SPMIP2: variants seen among roughly 807,000 people sequenced by gnomAD.
The protein encoded by SPMIP2 is sperm microtubule inner protein 2, also known as protein SPMIP2.
At chr4:158,917,659 T>G in the SPMIP2 span, among the ~76,000 whole-genome samples, 1 of 151,704 alleles carries the variant, frequency 6.6e-6, no homozygotes, top group Non-Finnish European at 1.5e-5. Context: ...CATCACCTTT[T>G]CCCTGAAGAC....
the SPMIP2 span, among the ~76,000 whole-genome samples, chr4:158,987,968 G>T: frequency 3.0e-4 from 46 of 151,812 alleles, no homozygotes; most frequent in Admixed American, 7.9e-4. Context: ...CTGGTTTTTT[G>T]AAAAGATCAA....
the SPMIP2 span, among the ~76,000 whole-genome samples, chr4:158,912,276 A>G: frequency 6.6e-6 from 1 of 152,256 alleles, no homozygotes; most frequent in Non-Finnish European, 1.5e-5. Flanking sequence ...GTTAAATCTC[A>G]TAAATTGTAC....
At chr4:158,995,431 G>A in the SPMIP2 span, among the ~76,000 whole-genome samples, 6 of 152,138 alleles carry the variant, frequency 3.9e-5, no homozygotes, top group Non-Finnish European at 8.8e-5. Flanking sequence ...CAGCTTAACT[G>A]ATGGCTTAAA....
At chr4:158,940,022 AGTTT>A in the SPMIP2 span, among the ~76,000 whole-genome samples, 76 of 152,302 alleles carry the variant, frequency 5.0e-4, no homozygotes, top group African/African-American at 1.8e-3. Context: ...CTACTGTATT[AGTTT>A]GTTAGGGCTG....
At chr4:159,082,332 CAAATAAATAAAT>C in the SPMIP2 span, among the ~76,000 whole-genome samples, 42,715 of 150,748 alleles carry the variant, frequency 0.28, 6,399 homozygotes, top group Non-Finnish European at 0.33. Context: ...GATTCCATCT[CAAATAAATAAAT>C]AAATAAATAA....
chr4:159,024,078 A>T, the SPMIP2 span, among the ~76,000 whole-genome samples: 1 of 152,200 alleles, frequency 6.6e-6, no homozygotes, highest in Non-Finnish European at 1.5e-5. Flanking sequence ...GGGGCAATCC[A>T]TCTGTGTTCA....
At chr4:158,893,978 A>G in the SPMIP2 span, among the ~76,000 whole-genome samples, 1 of 152,192 alleles carries the variant, frequency 6.6e-6, no homozygotes, top group Admixed American at 6.5e-5. Context: ...CTCCTTAAAA[A>G]AAATCACTTG....
chr4:158,952,464 T>C, the SPMIP2 span, among the ~76,000 whole-genome samples: 1 of 152,300 alleles, frequency 6.6e-6, no homozygotes, highest in Admixed American at 6.5e-5. Context: ...TAAGGAGACT[T>C]CCCCAGCCAT....
chr4:159,056,093 TC>T, the SPMIP2 span, among the ~76,000 whole-genome samples: 2 of 152,108 alleles, frequency 1.3e-5, no homozygotes, highest in Admixed American at 1.3e-4. Flanking sequence ...CCTTTTTCAC[TC>T]CCAAAGGTAT....
the SPMIP2 span, among the ~76,000 whole-genome samples, chr4:159,049,488 T>G: frequency 6.6e-6 from 1 of 152,218 alleles, no homozygotes; most frequent in Admixed American, 6.5e-5. Context: ...TATATATTTT[T>G]GGGGTGCTTC....
the SPMIP2 span, chr4:158,907,325 C>T: frequency 1.3e-5 from 2 of 152,102 alleles, no homozygotes; most frequent in Admixed American, 1.3e-4. Context: ...TCGAAGTGTG[C>T]TGTTTTTTAA....
the SPMIP2 span, among the ~76,000 whole-genome samples, chr4:158,895,127 G>T: frequency 1.5e-4 from 23 of 152,194 alleles, no homozygotes; most frequent in Admixed American, 3.9e-4. Flanking sequence ...TATTCCAAGG[G>T]TAAAGATGTC....
chr4:159,033,839 A>G, the SPMIP2 span, among the ~76,000 whole-genome samples: 1 of 152,176 alleles, frequency 6.6e-6, no homozygotes, highest in Non-Finnish European at 1.5e-5. Flanking sequence ...ATATGCTCAC[A>G]CTTTGGAAAA....
At chr4:158,974,470 G>A in the SPMIP2 span, among the ~76,000 whole-genome samples, 3 of 138,070 alleles carry the variant, frequency 2.2e-5, no homozygotes, top group Non-Finnish European at 3.1e-5. Context: ...CCCCCCACCC[G>A]CAACAGGCCC....
the SPMIP2 span, among the ~76,000 whole-genome samples, chr4:159,030,238 C>T: frequency 6.6e-6 from 1 of 151,930 alleles, no homozygotes; most frequent in Non-Finnish European, 1.5e-5. Flanking sequence ...TATGGTGAAA[C>T]CTCATCTCTA....
chr4:158,969,188 T>C, the SPMIP2 span, among the ~76,000 whole-genome samples: 26 of 152,110 alleles, frequency 1.7e-4, no homozygotes, highest in African/African-American at 6.0e-4. Flanking sequence ...AGAGCACAGG[T>C]GCAGCAAATG....
At chr4:159,056,161 T>A in the SPMIP2 span, among the ~76,000 whole-genome samples, 1 of 152,222 alleles carries the variant, frequency 6.6e-6, no homozygotes, top group South Asian at 2.1e-4. Flanking sequence ...ATATAAATAA[T>A]AGATGGAATG....
At chr4:158,986,415 T>C in the SPMIP2 span, among the ~76,000 whole-genome samples, 2 of 152,144 alleles carry the variant, frequency 1.3e-5, no homozygotes, top group Non-Finnish European at 2.9e-5. Context: ...CAAAACACCA[T>C]GGTACTGGTA....
At chr4:159,018,873 G>A in the SPMIP2 span, among the ~76,000 whole-genome samples, 294 of 152,222 alleles carry the variant, frequency 1.9e-3, 2 homozygotes, top group African/African-American at 5.8e-3. Flanking sequence ...GGCGGATCAC[G>A]AGGTCAGGAG....
Sources: allele counts gnomAD v4.1 joint callset (sites outside exome capture counted in the v4.1 genomes callset), GRCh38; gene constraint gnomAD v4.1.1; transcripts MANE v1.5; gene names NCBI Gene and HGNC (gene_info 2026-07-23, HGNC 2026-07-21).